MAF: variants seen among roughly 807,000 people sequenced by gnomAD.
The protein encoded by MAF is transcription factor Maf.
MAF carries 10 observed loss-of-function variants against 22.0 expected under a neutral mutation model. The ratio of observed to expected loss-of-function variants is 0.45; its 90% CI spans 0.28 to 0.77. The LOEUF (loss-of-function observed/expected upper bound fraction) is 0.77, where lower values mean the gene tolerates loss of function less well. Among genes scored for constraint, MAF ranks in the 30% least tolerant of loss-of-function variants. The probability of loss-of-function intolerance (pLI) is 0.12; values close to 1 mark genes in which losing one functional copy is unlikely to be tolerated. For missense variants in MAF, 544 were observed against 548.4 expected, an observed-to-expected ratio of 0.99 and a Z score of 0.08; for synonymous variants, 337 against 255.8, an observed-to-expected ratio of 1.32 and a Z score of -3.03.
the MAF span, among the ~76,000 whole-genome samples, chr16:79,375,943 G>C: frequency 6.6e-6 from 1 of 152,126 alleles, no homozygotes; most frequent in Non-Finnish European, 1.5e-5. Flanking sequence ...CTGGAGATCT[G>C]GGTGAGGAGA....
At chr16:79,535,267 C>A in the MAF span, among the ~76,000 whole-genome samples, 1 of 151,966 alleles carries the variant, frequency 6.6e-6, no homozygotes, top group Non-Finnish European at 1.5e-5. Context: ...CAGAGACTGG[C>A]TGTGGATGGC....
chr16:79,485,962 C>A, the MAF span, among the ~76,000 whole-genome samples: 3 of 152,204 alleles, frequency 2.0e-5, no homozygotes, highest in Non-Finnish European at 4.4e-5. Context: ...CTATAAGGAT[C>A]TTGCAGACAA....
At chr16:79,426,901 C>G in the MAF span, among the ~76,000 whole-genome samples, 1 of 152,190 alleles carries the variant, frequency 6.6e-6, no homozygotes, top group African/African-American at 2.4e-5. Flanking sequence ...ATAGGCAGGG[C>G]TGAGAGGTGC....
chr16:79,502,722 T>TAAATATAAATATAA, the MAF span, among the ~76,000 whole-genome samples: 1 of 36,636 alleles, frequency 2.7e-5, no homozygotes, highest in African/African-American at 1.0e-4. Context: ...TATATATATA[T>TAAATATAAATATAA]ATATATATAT....
At chr16:79,268,853 C>T in the MAF span, among the ~76,000 whole-genome samples, 2 of 152,212 alleles carry the variant, frequency 1.3e-5, no homozygotes, top group Non-Finnish European at 2.9e-5. Context: ...TGCAATTCTT[C>T]CCTGTGACTT....
chr16:79,391,848 A>G, the MAF span, among the ~76,000 whole-genome samples: 3 of 147,558 alleles, frequency 2.0e-5, no homozygotes, highest in Non-Finnish European at 4.5e-5. Context: ...AAGTGGGGGA[A>G]AGAGAGAGAA....
the MAF span, among the ~76,000 whole-genome samples, chr16:79,565,299 T>C: frequency 6.6e-6 from 1 of 152,204 alleles, no homozygotes; most frequent in African/African-American, 2.4e-5. Flanking sequence ...ATATTGTCGA[T>C]GGCAGGGTTG....
At chr16:79,418,212 C>T in the MAF span, among the ~76,000 whole-genome samples, 2 of 152,108 alleles carry the variant, frequency 1.3e-5, no homozygotes, top group African/African-American at 4.8e-5. Flanking sequence ...ACCATCTTCT[C>T]GTGTCTCCTT....
At chr16:79,502,708 A>AATATAAATATATATACATATAT in the MAF span, among the ~76,000 whole-genome samples, 8 of 34,002 alleles carry the variant, frequency 2.4e-4, no homozygotes, top group Non-Finnish European at 3.9e-4. Flanking sequence ...TATAAATATA[A>AATATAAATATATATACATATAT]ATATATATAT....
At chr16:79,516,772 C>T in the MAF span, among the ~76,000 whole-genome samples, 1 of 152,142 alleles carries the variant, frequency 6.6e-6, no homozygotes, top group African/African-American at 2.4e-5. Context: ...AGACTGTGTA[C>T]CCTGGAGCTC....
chr16:79,538,693 G>A, the MAF span, among the ~76,000 whole-genome samples: 1 of 152,066 alleles, frequency 6.6e-6, no homozygotes, highest in Admixed American at 6.6e-5. Context: ...GAACATGGTG[G>A]CACATGCTTG....
At chr16:79,348,999 C>T in the MAF span, among the ~76,000 whole-genome samples, 2 of 152,158 alleles carry the variant, frequency 1.3e-5, no homozygotes, top group African/African-American at 4.8e-5. Context: ...TGAGCCTGGT[C>T]CCTCCATTGC....
the MAF span, among the ~76,000 whole-genome samples, chr16:79,320,041 C>T: frequency 1.3e-5 from 2 of 152,118 alleles, no homozygotes; most frequent in African/African-American, 2.4e-5. Context: ...ATGAGTCCAA[C>T]CAACCTTGGG....
chr16:79,417,116 G>A, the MAF span, among the ~76,000 whole-genome samples: 2 of 152,112 alleles, frequency 1.3e-5, no homozygotes, highest in South Asian at 4.1e-4. Flanking sequence ...ATTCAGCCAG[G>A]GGCACACCAT....
chr16:79,312,144 T>C, the MAF span, among the ~76,000 whole-genome samples: 8 of 152,040 alleles, frequency 5.3e-5, no homozygotes, highest in Non-Finnish European at 1.0e-4. Context: ...TCATCATCAT[T>C]ACAAAAGTAA....
chr16:79,433,492 G>C, the MAF span, among the ~76,000 whole-genome samples: 3 of 151,588 alleles, frequency 2.0e-5, no homozygotes, highest in Admixed American at 2.0e-4. Flanking sequence ...GCTTCTTGGT[G>C]GTCAGTTACT....
the MAF span, among the ~76,000 whole-genome samples, chr16:79,490,900 C>T: frequency 1.2e-4 from 18 of 152,012 alleles, no homozygotes; most frequent in African/African-American, 4.3e-4. Flanking sequence ...AAGGAAGAGG[C>T]GGGGTGATTT....
chr16:79,366,519 C>G, the MAF span, among the ~76,000 whole-genome samples: 3 of 152,264 alleles, frequency 2.0e-5, no homozygotes, highest in South Asian at 2.1e-4. Flanking sequence ...GATTTCCTGA[C>G]CTTCTAGACA....
the MAF span, among the ~76,000 whole-genome samples, chr16:79,375,702 T>C: frequency 6.6e-6 from 1 of 152,128 alleles, no homozygotes; most frequent in Non-Finnish European, 1.5e-5. Context: ...AAGGAATTAT[T>C]AACATCACAT....
Sources: allele counts gnomAD v4.1 joint callset (sites outside exome capture counted in the v4.1 genomes callset), GRCh38; gene constraint gnomAD v4.1.1; transcripts MANE v1.5; gene names NCBI Gene and HGNC (gene_info 2026-07-23, HGNC 2026-07-21).